Variants in PASD1 observed in about 807,000 individuals in gnomAD.
The protein encoded by PASD1 is PAS domain containing repressor 1, also known as circadian clock protein PASD1.
In PASD1, 13 loss-of-function variants were observed where a neutral mutation model predicts 58.8. The ratio of observed to expected loss-of-function variants is 0.22; its 90% CI spans 0.14 to 0.35. The LOEUF is 0.35. Among genes scored for constraint, PASD1 ranks in the 10% least tolerant of loss-of-function variants. The pLI is 1.00. For missense variants in PASD1, 734 were observed against 568.3 expected, an observed-to-expected ratio of 1.29 and a Z score of -2.96; for synonymous variants, 236 against 216.7, an observed-to-expected ratio of 1.09 and a Z score of -0.78.
At chrX:151,573,847 T>C (rs768922710) in intron 1 of PASD1, among the ~76,000 whole-genome samples, 8 of 111,937 alleles carry the variant, frequency 7.1e-5, no homozygotes, top group Non-Finnish European at 1.5e-4. Flanking sequence ...GGTGACAGGC[T>C]GAGACAGTTT....
intron 11 of PASD1, among the ~76,000 whole-genome samples, 190 bp from the exon 12 acceptor site, chrX:151,670,848 T>C (rs755281557): frequency 8.9e-6 from 1 of 112,521 alleles, no homozygotes; most frequent in South Asian, 3.7e-4. Flanking sequence ...ATCTCCGTGG[T>C]CCATTTCTTA....
At chrX:151,662,715 A>C (rs1262263509) in intron 10 of PASD1, among the ~76,000 whole-genome samples, 1 of 112,136 alleles carries the variant, frequency 8.9e-6, no homozygotes, top group Admixed American at 9.5e-5. Flanking sequence ...CTGTCTGCTT[A>C]TTTGTAATTT....
intron 8 of PASD1, among the ~76,000 whole-genome samples, chrX:151,638,074 T>C (rs1801521768): frequency 1.8e-5 from 2 of 111,831 alleles, no homozygotes; most frequent in African/African-American, 6.5e-5. Flanking sequence ...TGGGTTCAAA[T>C]TCTGGGTTTG....
intron 3 of PASD1, among the ~76,000 whole-genome samples, chrX:151,605,256 C>T (rs1464677835): frequency 8.9e-6 from 1 of 111,935 alleles, no homozygotes; most frequent in Non-Finnish European, 1.9e-5. Context: ...GACTGAATTA[C>T]CATCTCTGAG....
chrX:151,654,011 GCC>G (rs2014205137), intron 9 of PASD1, among the ~76,000 whole-genome samples: 1 of 95,172 alleles, frequency 1.1e-5, no homozygotes, highest in African/African-American at 3.9e-5. Flanking sequence ...TCACTGTGTT[GCC>G]CAGACTGGAA....
chrX:151,567,549 G>T (rs771066062), intron 1 of PASD1, among the ~76,000 whole-genome samples: 1 of 111,313 alleles, frequency 9.0e-6, no homozygotes, highest in African/African-American at 3.3e-5. Context: ...TGCCTACCCT[G>T]CTCTAGCCAT....
At chrX:151,630,400 T>G (rs934947849) in intron 8 of PASD1, among the ~76,000 whole-genome samples, 1 of 112,125 alleles carries the variant, frequency 8.9e-6, no homozygotes, top group African/African-American at 3.2e-5. Flanking sequence ...ATTAACTGAT[T>G]GGTTACTTGA....
intron 8 of PASD1, among the ~76,000 whole-genome samples, chrX:151,645,079 G>T (rs1204872328): frequency 9.0e-6 from 1 of 111,592 alleles, no homozygotes; most frequent in East Asian, 2.8e-4. Flanking sequence ...CTTGACTCAA[G>T]ATTTTACATT....
chrX:151,667,363 T>C (rs1286123564), intron 11 of PASD1, among the ~76,000 whole-genome samples: 1 of 111,720 alleles, frequency 9.0e-6, no homozygotes, highest in Non-Finnish European at 1.9e-5. Context: ...TTTCTTTTGC[T>C]GTGCAGAAGC....
chrX:151,622,177 C>T (rs753282493), intron 6 of PASD1, among the ~76,000 whole-genome samples: 8 of 110,740 alleles, frequency 7.2e-5, no homozygotes, highest in South Asian at 3.9e-4. Context: ...ATTTTTGTCG[C>T]GTGTGGATAT....
chrX:151,574,410 A>T (rs1393810054), intron 1 of PASD1, among the ~76,000 whole-genome samples: 1 of 112,166 alleles, frequency 8.9e-6, no homozygotes. Flanking sequence ...GGGGTCGAAT[A>T]GTGATCATAC....
intron 1 of PASD1, among the ~76,000 whole-genome samples, chrX:151,566,213 C>T (rs1602895420): frequency 1.8e-5 from 2 of 112,052 alleles, no homozygotes; most frequent in East Asian, 2.8e-4. Flanking sequence ...AGCAGAGAAA[C>T]GTGCAAACAA....
intron 1 of PASD1, among the ~76,000 whole-genome samples, chrX:151,585,027 G>C: frequency 8.9e-6 from 1 of 111,914 alleles, no homozygotes; most frequent in Non-Finnish European, 1.9e-5. Context: ...GTGGTGCACA[G>C]TTCTAGATGT....
chrX:151,655,605 T>C (rs2014229398), intron 9 of PASD1, among the ~76,000 whole-genome samples: 1 of 112,215 alleles, frequency 8.9e-6, no homozygotes, highest in Non-Finnish European at 1.9e-5. Context: ...TGATGGCCAG[T>C]GATGGTGTGC....
At chrX:151,565,758 C>T (rs1380560646) in intron 1 of PASD1, among the ~76,000 whole-genome samples, 1 of 110,486 alleles carries the variant, frequency 9.1e-6, no homozygotes, top group Non-Finnish European at 1.9e-5. Context: ...CGGGGTTTCA[C>T]CATGTTAGCC....
chrX:151,657,842 T>G (rs2014265687), intron 9 of PASD1, among the ~76,000 whole-genome samples: 1 of 107,141 alleles, frequency 9.3e-6, no homozygotes, highest in South Asian at 4.0e-4. Context: ...TTGGAGGGTT[T>G]TTTTTTTTTT....
At chrX:151,614,840 T>A (rs910482316) in intron 4 of PASD1, among the ~76,000 whole-genome samples, 3 of 111,606 alleles carry the variant, frequency 2.7e-5, no homozygotes, top group Non-Finnish European at 3.8e-5. Flanking sequence ...TATACCCTTT[T>A]AAAAAAAATT....
intron 9 of PASD1, among the ~76,000 whole-genome samples, chrX:151,653,519 C>T (rs1366197250): frequency 2.7e-5 from 3 of 110,366 alleles, no homozygotes; most frequent in Non-Finnish European, 3.8e-5. Context: ...AGGAAGAGCC[C>T]TTACATTTGT....
chrX:151,668,851 C>G (rs1193436856), intron 11 of PASD1, among the ~76,000 whole-genome samples: 3 of 107,482 alleles, frequency 2.8e-5, no homozygotes, highest in Non-Finnish European at 5.8e-5. Flanking sequence ...CTACCTAACT[C>G]GTTTTATGAG....
Sources: gnomAD v4.1 joint callset for allele counts (sites outside exome capture counted in the v4.1 genomes callset) on GRCh38, gnomAD v4.1.1 for gene constraint, MANE v1.5 for transcripts, NCBI Gene and HGNC (gene_info 2026-07-23, HGNC 2026-07-21) for gene names.